ABTB2: variants seen among roughly 807,000 people sequenced by gnomAD.
ABTB2 encodes ankyrin repeat and BTB domain containing 2.
A neutral mutation model predicts 104.1 loss-of-function variants in ABTB2; 56 were observed. The ratio of observed to expected loss-of-function variants is 0.54; its 90% CI spans 0.43 to 0.67. The LOEUF (loss-of-function observed/expected upper bound fraction) is 0.67, where lower values mean the gene tolerates loss of function less well. Ranked by LOEUF, ABTB2 falls within the 30% of genes least tolerant of loss-of-function variation. The pLI is 0.00. For missense variants in ABTB2, 1,279 were observed against 1,407.7 expected, an observed-to-expected ratio of 0.91 and a Z score of 1.46; for synonymous variants, 606 against 608.2, an observed-to-expected ratio of 1.00 and a Z score of 0.05.
At chr11:34,255,564 T>G (rs1854111759) in intron 1 of ABTB2, among the ~76,000 whole-genome samples, 1 of 152,052 alleles carries the variant, frequency 6.6e-6, no homozygotes, top group Non-Finnish European at 1.5e-5. Flanking sequence ...ACAATCTCAG[T>G]TCACTGCAAC....
intron 1 of ABTB2, among the ~76,000 whole-genome samples, chr11:34,340,163 C>G (rs562468786): frequency 6.6e-6 from 1 of 152,364 alleles, no homozygotes; most frequent in Non-Finnish European, 1.5e-5. Context: ...AACTTAGACA[C>G]TCACTTTACA....
rs189335823 is a variant in ABTB2 at position 34,319,114 on chromosome 11, G to A, written c.883+37587C>T. Reference sequence around the variant, plus strand: ...AGCCCCACAGAGTAATAGGAACAGCGCTGGAGTAGACACCACCTCAGACTC... The same window carrying A: ...AGCCCCACAGAGTAATAGGAACAGCACTGGAGTAGACACCACCTCAGACTC... On this transcript the variant is annotated intron_variant, in intron 1 of 16. Coordinates refer to ENST00000435224, the MANE Select transcript of ABTB2 (RefSeq NM_145804.3). Among the ~76,000 whole-genome samples the A allele has an allele frequency of 3.9e-5, 6 of 152,332 alleles. 1 individual carries two copies. The highest frequency in any genetic ancestry group is 4.1e-4 in the South Asian group (2 of 4,828).
At chr11:34,295,297 T>TA (rs1159113360) in intron 1 of ABTB2, among the ~76,000 whole-genome samples, 1 of 151,948 alleles carries the variant, frequency 6.6e-6, no homozygotes, top group African/African-American at 2.4e-5. Context: ...AGGCTAGAGG[T>TA]CGTGGGACCC....
In ABTB2 at chr11:34,346,102, C is replaced by A. The variant is rs561468438; in HGVS notation, c.883+10599G>T. ...TCTCGGCCTTCAGCATTCCTGGCAG[C>A]CTGTCATCCTCAGTTACTCTCATTT... On this transcript the variant is annotated intron_variant, in intron 1 of 16. Transcript: ENST00000435224. Among the ~76,000 whole-genome samples the A allele has an allele frequency of 1.6e-4, 24 of 152,324 alleles. No individual in the cohort carries two copies. In the South Asian group the frequency reaches 5.0e-3, roughly 32 times the overall value.
chr11:34,238,982 T>C (rs927481815), intron 1 of ABTB2, among the ~76,000 whole-genome samples: 58 of 152,204 alleles, frequency 3.8e-4, no homozygotes, highest in Non-Finnish European at 4.9e-4. Flanking sequence ...CTTGATCTCC[T>C]AACCTAATAA....
rs1160849349 is a variant in ABTB2 at position 34,195,963 on chromosome 11, T to C, written c.1244+1362A>G. Among the ~76,000 whole-genome samples the C allele has an allele frequency of 3.3e-5, 5 of 152,146 alleles. No homozygotes were observed. In the East Asian group the frequency reaches 9.6e-4, roughly 29 times the overall value. On this transcript the variant is annotated intron_variant, in intron 3 of 16. Coordinates refer to ENST00000435224, the MANE Select transcript of ABTB2 (RefSeq NM_145804.3). The stretch of plus-strand genomic sequence containing the variant: ...CTTCCAATATTGAGGTCTCAGATCG[T>C]CTCCCTCCAGGTGGGGCACTGAGGC...
chr11:34,268,854 CT>C (rs376132751), intron 1 of ABTB2, among the ~76,000 whole-genome samples: 104 of 152,300 alleles, frequency 6.8e-4, no homozygotes, highest in African/African-American at 2.4e-3. Context: ...TCAGATGCCC[CT>C]CTTACTCTAA....
At position 34,160,257 on chromosome 11, in the gene ABTB2, C is replaced by T; in HGVS notation, c.2494G>A (p.Ala832Thr). Residue 832 changes from alanine to threonine, a missense_variant, in exon 12 of 17, where the codon GCC becomes ACC. By Grantham distance (58) the Ala-to-Thr change is moderately conservative. Coordinates refer to ENST00000435224, the MANE Select transcript of ABTB2 (RefSeq NM_145804.3). ...GGGGGCGCGCCTTCACCTAGCCTGG[C>T]CGGCAGGGTCTTCCGGATCTCTGGG... ...SIPEIRKTLP[A>T]RLDPHFLNNK... 1 of 1,613,782 alleles carries T rather than the reference C, an allele frequency of 6.2e-7. No homozygotes were observed. Among genetic ancestry groups the T allele is most frequent in the South Asian group, 1.1e-5 (1 of 91,072 alleles).
At chr11:34,317,934 A>AC (rs1854957534) in intron 1 of ABTB2, among the ~76,000 whole-genome samples, 1 of 149,136 alleles carries the variant, frequency 6.7e-6, no homozygotes, top group Non-Finnish European at 1.5e-5. Flanking sequence ...TTCAACCCTC[A>AC]CCCCCACTCC....
At position 34,357,326 on chromosome 11, in the gene ABTB2, C is replaced by T; in HGVS notation, c.258G>A (p.Ser86=). The change falls in exon 1 of 17, where the codon TCG becomes TCA. Residue 86 remains serine (S), a synonymous_variant. Transcript: ENST00000435224. ...PEDPEVADLF[S]RCPRLPELEE... ...CCAGCTCGGGGAGCCGCGGACAGCG[C>T]GAGAAGAGGTCGGCCACTTCGGGGT... The T allele has an allele frequency of 6.6e-7, 1 of 1,517,726 alleles. No individual in the cohort carries two copies. The highest frequency in any genetic ancestry group is 8.9e-7 in the Non-Finnish European group (1 of 1,127,322). 94.0% of individuals were successfully genotyped at this position (1,517,726 alleles called of 1,614,324 possible).
chr11:34,273,893 C>T (rs1479094144), intron 1 of ABTB2, among the ~76,000 whole-genome samples: 1 of 152,032 alleles, frequency 6.6e-6, no homozygotes, highest in Non-Finnish European at 1.5e-5. Context: ...TGGCTCACGC[C>T]TGTAATCCCA....
At chr11:34,269,700 A>T (rs1854291506) in intron 1 of ABTB2, among the ~76,000 whole-genome samples, 1 of 152,172 alleles carries the variant, frequency 6.6e-6, no homozygotes, top group African/African-American at 2.4e-5. Context: ...TTGTCTTTTG[A>T]TTATCTTTCA....
At chr11:34,304,977 C>T (rs74416454) in intron 1 of ABTB2, among the ~76,000 whole-genome samples, 3,398 of 152,312 alleles carry the variant, frequency 0.022, 116 homozygotes, top group African/African-American at 0.077. Context: ...AAAGTGTTTT[C>T]AGGAGTTATT....
intron 1 of ABTB2, among the ~76,000 whole-genome samples, chr11:34,215,882 G>A (rs1264209644): frequency 6.6e-6 from 1 of 152,152 alleles, no homozygotes; most frequent in Non-Finnish European, 1.5e-5. Flanking sequence ...CTATTAGGAA[G>A]GAGGGATAGA....
chr11:34,225,291 T>C (rs1256466859), intron 1 of ABTB2, among the ~76,000 whole-genome samples: 1 of 152,190 alleles, frequency 6.6e-6, no homozygotes, highest in Non-Finnish European at 1.5e-5. Flanking sequence ...GCCCTGGTCC[T>C]GGGCCAAAAG....
At chr11:34,270,215 A>G (rs1854297469) in intron 1 of ABTB2, among the ~76,000 whole-genome samples, 1 of 152,202 alleles carries the variant, frequency 6.6e-6, no homozygotes, top group Admixed American at 6.5e-5. Context: ...TCCCCGACCA[A>G]GAGGACTAGA....
intron 1 of ABTB2, among the ~76,000 whole-genome samples, chr11:34,348,411 T>C (rs1855359445): frequency 6.6e-6 from 1 of 152,216 alleles, no homozygotes; most frequent in African/African-American, 2.4e-5. Flanking sequence ...TTCCTGCTTG[T>C]CATGTATCTG....
intron 1 of ABTB2, among the ~76,000 whole-genome samples, chr11:34,286,455 G>A (rs1422569154): frequency 6.6e-6 from 1 of 151,786 alleles, no homozygotes; most frequent in Non-Finnish European, 1.5e-5. Context: ...ACCACACCCA[G>A]CTAATGTTTG....
intron 1 of ABTB2, among the ~76,000 whole-genome samples, chr11:34,298,690 G>A (rs944965346): frequency 4.6e-5 from 7 of 152,026 alleles, no homozygotes; most frequent in African/African-American, 1.2e-4. Flanking sequence ...TCAAACTCCC[G>A]GCCTCGAGTG....
Sources: allele counts gnomAD v4.1 joint callset (sites outside exome capture counted in the v4.1 genomes callset), GRCh38; gene constraint gnomAD v4.1.1; transcripts MANE v1.5; gene names NCBI Gene and HGNC (gene_info 2026-07-23, HGNC 2026-07-21).